Variants in FHIT observed in about 807,000 individuals in gnomAD.
FHIT encodes the protein fragile histidine triad diadenosine triphosphatase.
In FHIT, 19 loss-of-function variants were observed where a neutral mutation model predicts 17.9. The observed-to-expected ratio is 1.06, with a 90% CI of 0.74 to 1.56. The LOEUF (loss-of-function observed/expected upper bound fraction) is 1.56, where lower values mean the gene tolerates loss of function less well. Among genes scored for constraint, FHIT ranks in the 40% most tolerant of loss-of-function variants. The probability of loss-of-function intolerance (pLI) is 0.00; values close to 1 mark genes in which losing one functional copy is unlikely to be tolerated. For missense variants in FHIT, 248 were observed against 189.2 expected (o/e 1.31, Z -1.82); for synonymous variants, 81 against 69.7 (o/e 1.16, Z -0.81).
chr3:59,971,744 T>C (rs1708193942), intron 7 of FHIT, among the ~76,000 whole-genome samples: 1 of 152,146 alleles, frequency 6.6e-6, no homozygotes, highest in Non-Finnish European at 1.5e-5. Context: ...ATTCACTCAT[T>C]GTATGACCTT....
chr3:60,591,176 A>G (rs957233543), intron 4 of FHIT, among the ~76,000 whole-genome samples: 1 of 152,026 alleles, frequency 6.6e-6, no homozygotes, highest in Non-Finnish European at 1.5e-5. Flanking sequence ...ACTAAAACAT[A>G]TTTTCCATTA....
intron 5 of FHIT, among the ~76,000 whole-genome samples, chr3:60,143,215 C>T (rs1037040849): frequency 1.3e-5 from 2 of 152,186 alleles, no homozygotes; most frequent in African/African-American, 4.8e-5. Context: ...CATTGCCAAA[C>T]TCAATTTCTT....
chr3:60,682,710 C>G (rs1011969045), intron 4 of FHIT, among the ~76,000 whole-genome samples: 2 of 152,236 alleles, frequency 1.3e-5, no homozygotes, highest in Admixed American at 1.3e-4. Flanking sequence ...CCTGCCAACA[C>G]AGCATCCATT....
intron 5 of FHIT, among the ~76,000 whole-genome samples, chr3:60,468,867 G>A (rs1030150341): frequency 2.0e-5 from 3 of 151,960 alleles, no homozygotes; most frequent in African/African-American, 4.8e-5. Context: ...GGATAGTTCT[G>A]GTGTTTTGTT....
intron 5 of FHIT, among the ~76,000 whole-genome samples, chr3:60,355,386 T>C (rs150792610): frequency 6.6e-6 from 1 of 152,080 alleles, no homozygotes; most frequent in Non-Finnish European, 1.5e-5. Context: ...TCTTATCTAA[T>C]CTGTCATCTG....
chr3:60,269,604 C>A (rs1276664881), intron 5 of FHIT, among the ~76,000 whole-genome samples: 1 of 152,166 alleles, frequency 6.6e-6, no homozygotes, highest in Non-Finnish European at 1.5e-5. Context: ...AAAGAAATAT[C>A]TTTTGAGGTA....
In FHIT at chr3:60,924,364, C is replaced by T. The variant is rs551213356; in HGVS notation, c.-110-102353G>A. ...GGGTACTCTTCTGAGACAAAACTTC[C>T]AGAGGAACAATCAGTCAGGAACATT... On this transcript the variant is annotated intron_variant, in intron 3 of 9. Transcript: ENST00000492590. 2.6e-5 allele frequency among the ~76,000 whole-genome samples: 4 copies of T among 152,238 alleles called. No homozygotes were observed. The East Asian group carries it at 7.8e-4, about 30-fold the overall frequency.
chr3:61,210,846 G>A (rs2039442337), intron 1 of FHIT, among the ~76,000 whole-genome samples: 1 of 151,740 alleles, frequency 6.6e-6, no homozygotes, highest in African/African-American at 2.4e-5. Flanking sequence ...CCAGTGAGAT[G>A]AACCTGGTAC....
chr3:60,916,710 TC>T (rs1707023348), intron 3 of FHIT, among the ~76,000 whole-genome samples: 1 of 152,206 alleles, frequency 6.6e-6, no homozygotes, highest in Admixed American at 6.5e-5. Flanking sequence ...TTACATAACA[TC>T]AGCTGGAACC....
intron 2 of FHIT, among the ~76,000 whole-genome samples, chr3:61,189,146 C>T (rs887607399): frequency 6.6e-6 from 1 of 152,106 alleles, no homozygotes; most frequent in African/African-American, 2.4e-5. Flanking sequence ...TCAAACTGTC[C>T]CTGTTTGCCG....
chr3:60,381,640 G>C (rs74957537), intron 5 of FHIT, among the ~76,000 whole-genome samples: 10,183 of 152,210 alleles, frequency 0.067, 727 homozygotes, highest in East Asian at 0.21. Flanking sequence ...TCTCTCTTTC[G>C]ATAGTAGAGA....
At chr3:60,043,872 G>C (rs1701545335) in intron 5 of FHIT, among the ~76,000 whole-genome samples, 1 of 152,112 alleles carries the variant, frequency 6.6e-6, no homozygotes, top group Non-Finnish European at 1.5e-5. Flanking sequence ...TGAAACATCA[G>C]ACAGTGGCAG....
chr3:60,907,814 G>C (rs1460608916), intron 3 of FHIT, among the ~76,000 whole-genome samples: 1 of 152,152 alleles, frequency 6.6e-6, no homozygotes, highest in Non-Finnish European at 1.5e-5. Flanking sequence ...GCTCACTGTT[G>C]TCAGGCCCTA....
At chr3:60,891,401 C>G (rs1217078871) in intron 3 of FHIT, among the ~76,000 whole-genome samples, 2 of 152,090 alleles carry the variant, frequency 1.3e-5, no homozygotes, top group Admixed American at 6.5e-5. Flanking sequence ...TCAATGAGAT[C>G]AAAACTTTGA....
At chr3:59,833,633 C>A (rs1266370839) in intron 8 of FHIT, among the ~76,000 whole-genome samples, 1 of 152,142 alleles carries the variant, frequency 6.6e-6, no homozygotes, top group Non-Finnish European at 1.5e-5. Context: ...TAATACAAAG[C>A]CCATCAGGTG....
intron 8 of FHIT, among the ~76,000 whole-genome samples, chr3:59,896,222 A>C (rs1704064926): frequency 6.6e-6 from 1 of 152,238 alleles, no homozygotes; most frequent in Non-Finnish European, 1.5e-5. Flanking sequence ...CCAAGCAAGC[A>C]CAGTGCCTGG....
intron 1 of FHIT, among the ~76,000 whole-genome samples, chr3:61,216,828 G>A (rs1165188476): frequency 6.6e-6 from 1 of 152,134 alleles, no homozygotes; most frequent in African/African-American, 2.4e-5. Flanking sequence ...AAAATGATGA[G>A]TTCATGTCCT....
At position 60,407,008 on chromosome 3, in the gene FHIT, A is replaced by C. The variant is rs369269111; in HGVS notation, c.103+129852T>G. 5.3e-5 allele frequency among the ~76,000 whole-genome samples: 8 copies of C among 151,030 alleles called. 1 individual carries two copies. Among genetic ancestry groups the C allele is most frequent in the South Asian group, 2.1e-4 (1 of 4,784 alleles). ...TCTACTCTGCTTTCTGTCAATTCTC[A>C]AGTCTCATTCTCCTATATCCTTTAG... On this transcript the variant is annotated intron_variant, in intron 5 of 9. Transcript: ENST00000492590.
At chr3:59,899,640 C>A (rs887325090) in intron 8 of FHIT, among the ~76,000 whole-genome samples, 17 of 151,814 alleles carry the variant, frequency 1.1e-4, no homozygotes, top group African/African-American at 4.1e-4. Flanking sequence ...TCGAGACCAG[C>A]CTGGGCAATA....
Sources: gnomAD v4.1 joint callset for allele counts (sites outside exome capture counted in the v4.1 genomes callset) on GRCh38, gnomAD v4.1.1 for gene constraint, MANE v1.5 for transcripts, NCBI Gene and HGNC (gene_info 2026-07-23, HGNC 2026-07-21) for gene names.